SGCD: variants seen among roughly 807,000 people sequenced by gnomAD.
SGCD encodes the protein sarcoglycan delta, also known as delta-sarcoglycan.
In SGCD, 18 loss-of-function variants were observed where a neutral mutation model predicts 36.6. The ratio of observed to expected loss-of-function variants is 0.49; its 90% CI spans 0.34 to 0.73. SGCD has a LOEUF of 0.73. Among genes scored for constraint, SGCD ranks in the 30% least tolerant of loss-of-function variants. SGCD has a pLI of 0.01. For synonymous variants in SGCD, 133 were observed against 130.6 expected (o/e 1.02, Z -0.12); for missense variants, 387 against 346.7 (o/e 1.12, Z -0.92).
the SGCD span, among the ~76,000 whole-genome samples, chr5:155,742,556 T>C: frequency 2.6e-5 from 4 of 152,198 alleles, no homozygotes. Flanking sequence ...ATGTTTGAGG[T>C]AGGAAAAAAG....
chr5:156,706,531 G>T (rs1025341210), intron 7 of SGCD, among the ~76,000 whole-genome samples: 15 of 152,038 alleles, frequency 9.9e-5, no homozygotes, highest in African/African-American at 3.6e-4. Context: ...GCTCCTTCCT[G>T]TGTCATACTC....
the SGCD span, among the ~76,000 whole-genome samples, chr5:155,845,257 T>C: frequency 6.6e-6 from 1 of 152,176 alleles, no homozygotes; most frequent in Non-Finnish European, 1.5e-5. Context: ...TTATAGTAAT[T>C]ACTACCAAAT....
chr5:156,224,211 G>T (rs1581178291), intron 3 of SGCD, among the ~76,000 whole-genome samples: 1 of 151,812 alleles, frequency 6.6e-6, no homozygotes, highest in South Asian at 2.1e-4. Flanking sequence ...ATGGTTACAC[G>T]GTCAATAAAT....
intron 3 of SGCD, among the ~76,000 whole-genome samples, chr5:156,422,808 C>T (rs1319220597): frequency 1.3e-5 from 2 of 151,968 alleles, no homozygotes; most frequent in Non-Finnish European, 2.9e-5. Context: ...TGTCTTCAGA[C>T]ATTGCTCTAT....
chr5:156,700,465 C>A (rs1754484492), intron 7 of SGCD, among the ~76,000 whole-genome samples: 2 of 152,182 alleles, frequency 1.3e-5, no homozygotes, highest in South Asian at 4.1e-4. Context: ...TACTTTCCTC[C>A]AGTTACCAGG....
At chr5:156,583,181 A>C (rs187379754) in intron 4 of SGCD, among the ~76,000 whole-genome samples, 1 of 152,294 alleles carries the variant, frequency 6.6e-6, no homozygotes, top group East Asian at 1.9e-4. Context: ...ATTGAAGGCA[A>C]TGCCAACTGT....
chr5:156,526,741 C>A, intron 4 of SGCD, among the ~76,000 whole-genome samples: 1 of 151,926 alleles, frequency 6.6e-6, no homozygotes, highest in East Asian at 2.0e-4. Flanking sequence ...CAGCTGCTTA[C>A]ATTTTTTTTA....
the SGCD span, among the ~76,000 whole-genome samples, chr5:155,779,644 A>G: frequency 6.6e-6 from 1 of 152,044 alleles, no homozygotes; most frequent in Non-Finnish European, 1.5e-5. Flanking sequence ...TTGAGAATCT[A>G]TGTGAGAAAC....
chr5:156,154,892 T>C (rs1205469944), intron 3 of SGCD, among the ~76,000 whole-genome samples: 1 of 151,704 alleles, frequency 6.6e-6, no homozygotes, highest in Non-Finnish European at 1.5e-5. Flanking sequence ...CTCCTTTTCC[T>C]GTTCCCTGAC....
intron 3 of SGCD, among the ~76,000 whole-genome samples, chr5:156,454,157 A>G (rs1367978179): frequency 6.6e-6 from 1 of 152,190 alleles, no homozygotes; most frequent in Non-Finnish European, 1.5e-5. Context: ...TCTGCATTGG[A>G]AAGGACTGCA....
chr5:155,800,909 T>A, the SGCD span, among the ~76,000 whole-genome samples: 2 of 152,220 alleles, frequency 1.3e-5, no homozygotes, highest in Admixed American at 6.5e-5. Context: ...CCCAGGCCAC[T>A]AATTGTGTTC....
At chr5:156,430,707 T>A (rs1289933417) in intron 3 of SGCD, among the ~76,000 whole-genome samples, 1 of 152,204 alleles carries the variant, frequency 6.6e-6, no homozygotes, top group Non-Finnish European at 1.5e-5. Flanking sequence ...TTAATGATTA[T>A]TTTAGCTTAA....
chr5:156,633,761 G>T (rs114610638), intron 6 of SGCD, among the ~76,000 whole-genome samples: 1 of 152,162 alleles, frequency 6.6e-6, no homozygotes, highest in Non-Finnish European at 1.5e-5. Flanking sequence ...TCACTGGGTC[G>T]TTCAAGAATT....
chr5:156,585,809 T>C (rs998009044), intron 4 of SGCD, among the ~76,000 whole-genome samples: 5 of 152,186 alleles, frequency 3.3e-5, no homozygotes, highest in African/African-American at 1.2e-4. Flanking sequence ...AAGGTCTCTT[T>C]CTGAAACTCA....
At chr5:156,190,320 T>C (rs1763860768) in intron 3 of SGCD, among the ~76,000 whole-genome samples, 1 of 152,082 alleles carries the variant, frequency 6.6e-6, no homozygotes, top group Non-Finnish European at 1.5e-5. Flanking sequence ...ATTCAAAAAC[T>C]AGTGACCCAT....
intron 1 of SGCD, among the ~76,000 whole-genome samples, chr5:155,951,587 CAT>C (rs1757550039): frequency 6.6e-6 from 1 of 151,918 alleles, no homozygotes; most frequent in South Asian, 2.1e-4. Context: ...TAGGTGTGCT[CAT>C]GTGAAAATTC....
rs1554085595 is a variant in SGCD at position 156,229,277 on chromosome 5, C to CACACATATATATATATATATAT, written c.-43-100256_-43-100255insCACATATATATATATATATATA. 3.9e-4 allele frequency among the ~76,000 whole-genome samples: 22 copies of CACACATATATATATATATATAT among 56,468 alleles called. 1 individual carries two copies. In the East Asian group the frequency reaches 5.5e-3, roughly 14 times the overall value. The allele number at this position is 56,468 out of a possible 152,430, so 37.0% of individuals were successfully genotyped here. On this transcript the variant is annotated intron_variant, in intron 3 of 9. Coordinates refer to the SGCD transcript ENST00000517913. ...ACATACATACATATATATATACATA[C>CACACATATATATATATATATAT]ATATATATATATATATATATATAAA...
intron 3 of SGCD, among the ~76,000 whole-genome samples, chr5:156,162,641 G>A (rs185293864): frequency 6.6e-6 from 1 of 151,584 alleles, no homozygotes; most frequent in East Asian, 1.9e-4. Context: ...CCATCGTTTT[G>A]TCCTTGAGGA....
chr5:155,927,262 T>C (rs1214869203), intron 1 of SGCD, among the ~76,000 whole-genome samples: 1 of 152,178 alleles, frequency 6.6e-6, no homozygotes, highest in Non-Finnish European at 1.5e-5. Flanking sequence ...GTTTTAGTTA[T>C]TGTGAGCTAT....
Sources: allele counts gnomAD v4.1 joint callset (sites outside exome capture counted in the v4.1 genomes callset), GRCh38; gene constraint gnomAD v4.1.1; transcripts MANE v1.5; gene names NCBI Gene and HGNC (gene_info 2026-07-23, HGNC 2026-07-21).